Variants in FLRT1 observed in about 807,000 individuals in gnomAD.
FLRT1 encodes leucine-rich repeat transmembrane protein FLRT1.
Under a neutral mutation model 30.9 loss-of-function variants are expected in FLRT1, and 14 were observed. The observed-to-expected ratio is 0.45, with a 90% CI of 0.30 to 0.71. The LOEUF (loss-of-function observed/expected upper bound fraction) is 0.71. FLRT1 is among the 30% of genes least tolerant of loss of function. The pLI, the probability that FLRT1 is intolerant of heterozygous loss-of-function variation, is 0.08. For missense variants in FLRT1, 737 were observed against 949.2 expected, an observed-to-expected ratio of 0.78 and a Z score of 2.94; for synonymous variants, 368 against 430.4, an observed-to-expected ratio of 0.85 and a Z score of 1.80.
chr11:64,113,383 T>G (rs935283843), intron 2 of FLRT1, among the ~76,000 whole-genome samples: 2 of 151,896 alleles, frequency 1.3e-5, no homozygotes, highest in African/African-American at 4.8e-5. Context: ...GATGGATGGA[T>G]GGACAGGTGC....
intron 2 of FLRT1, among the ~76,000 whole-genome samples, chr11:64,108,274 T>C (rs1228745400): frequency 2.0e-5 from 3 of 150,984 alleles, no homozygotes; most frequent in East Asian, 3.9e-4. Context: ...GATCGTACCA[T>C]TGCACTCCAG....
chr11:64,097,676 G>A (rs558257144), intron 1 of FLRT1, among the ~76,000 whole-genome samples: 172 of 152,370 alleles, frequency 1.1e-3, no homozygotes, highest in African/African-American at 1.9e-3. Context: ...GCAGGCTCTC[G>A]CCTCCGCCTC....
intron 1 of FLRT1, among the ~76,000 whole-genome samples, chr11:64,097,281 C>G (rs1364799099): frequency 6.6e-6 from 1 of 152,226 alleles, no homozygotes; most frequent in African/African-American, 2.4e-5. Context: ...CGGTCTGCGC[C>G]CAATTTGGGC....
chr11:64,043,347 C>A (rs1311036048), intron 1 of FLRT1, among the ~76,000 whole-genome samples: 8 of 152,206 alleles, frequency 5.3e-5, no homozygotes, highest in Non-Finnish European at 1.5e-5. Flanking sequence ...GGACCCCACC[C>A]TCTCTGGCAG....
chr11:64,055,369 T>G (rs998275865), intron 1 of FLRT1, among the ~76,000 whole-genome samples: 1 of 152,056 alleles, frequency 6.6e-6, no homozygotes, highest in Non-Finnish European at 1.5e-5. Context: ...TCTGGGTGGG[T>G]GGAGTTGCCC....
In FLRT1 at chr11:64,036,964, A is replaced by T. The variant is rs1463352600; in HGVS notation, c.-1038+805A>T. Among the ~76,000 whole-genome samples, 4 of 152,220 alleles carry T rather than the reference A, an allele frequency of 2.6e-5. No homozygotes were observed. The South Asian group carries it at 6.2e-4, about 24-fold the overall frequency. On this transcript the variant is annotated intron_variant, in intron 1 of 2. Coordinates refer to ENST00000682287, the MANE Select transcript of FLRT1 (RefSeq NM_013280.5). This position sits in a 1 kb window ranked among gnomAD's most constrained non-coding sequence, Gnocchi z 5.6. ...GGTTGATCAGAGCTCCCCGAGGAGG[A>T]GAAAGTTGTGGAACAGGGACACCAG...
intron 1 of FLRT1, among the ~76,000 whole-genome samples, chr11:64,091,220 C>T (rs1944484291): frequency 6.6e-6 from 1 of 152,022 alleles, no homozygotes. Flanking sequence ...TGGCAGCCTC[C>T]GCTGCAGGGT....
intron 1 of FLRT1, among the ~76,000 whole-genome samples, chr11:64,068,975 G>C (rs893775849): frequency 6.6e-6 from 1 of 152,238 alleles, no homozygotes; most frequent in Non-Finnish European, 1.5e-5. Flanking sequence ...ACATTATCTA[G>C]AGCTGCCTAT....
intron 2 of FLRT1, among the ~76,000 whole-genome samples, chr11:64,110,183 C>G (rs1263670240): frequency 6.6e-6 from 1 of 152,146 alleles, no homozygotes; most frequent in East Asian, 1.9e-4. Context: ...GGCGTGGTGG[C>G]TCACGCGTAT....
At chr11:64,060,994 C>A (rs1431481345) in intron 1 of FLRT1, among the ~76,000 whole-genome samples, 2 of 151,948 alleles carry the variant, frequency 1.3e-5, no homozygotes, top group Non-Finnish European at 2.9e-5. Flanking sequence ...GGGCCGGCGT[C>A]GACCTTCCCC....
At chr11:64,056,941 C>G (rs1437972894) in intron 1 of FLRT1, among the ~76,000 whole-genome samples, 1 of 152,204 alleles carries the variant, frequency 6.6e-6, no homozygotes, top group Non-Finnish European at 1.5e-5. Context: ...GACAGCCCCT[C>G]CTTTGCTCCC....
intron 1 of FLRT1, among the ~76,000 whole-genome samples, chr11:64,054,846 C>T (rs1003250290): frequency 6.6e-6 from 1 of 152,022 alleles, no homozygotes; most frequent in Non-Finnish European, 1.5e-5. Flanking sequence ...ACTTTCCAGC[C>T]AGCTTTTAAG....
In FLRT1 at chr11:64,062,468, C is replaced by T. The variant is rs771425128; in HGVS notation, c.-1038+26309C>T. 5.0e-4 allele frequency among the ~76,000 whole-genome samples: 76 copies of T among 152,320 alleles called. 2 individuals carry two copies. Among genetic ancestry groups the T allele is most frequent in the Middle Eastern group, 6.8e-3 (2 of 294 alleles). On this transcript the variant is annotated intron_variant, in intron 1 of 2. Transcript: ENST00000682287. ...GGAAGGCTCGCCTCACACAGGGCTGCAGGAAGCATCACAGATTTCAGCCAA... is the reference window on the plus strand; with the variant it reads ...GGAAGGCTCGCCTCACACAGGGCTGTAGGAAGCATCACAGATTTCAGCCAA...
chr11:64,072,874 T>C (rs899964902), intron 1 of FLRT1, among the ~76,000 whole-genome samples: 4 of 152,198 alleles, frequency 2.6e-5, no homozygotes, highest in African/African-American at 9.7e-5. Context: ...CACATAAACC[T>C]ACGTGTGGAG....
rs749791643 is a variant in FLRT1 at position 64,116,777 on chromosome 11, G to C, written c.510G>C (p.Glu170Asp). ...CCGTGTCCACCGTCAGCATTGAGGA[G>C]GACGCCTTCGCCGACAGCAAACAGC... ...DNSVSTVSIE[E>D]DAFADSKQLK... Residue 170 changes from glutamate to aspartate, a missense_variant, in exon 3 of 3, where the codon GAG (glutamate) becomes GAC (aspartate). By Grantham distance (45) the Glu-to-Asp change is conservative. Transcript: ENST00000682287. The C allele has an allele frequency of 1.2e-6, 2 of 1,613,502 alleles. 1 individual carries two copies. The highest frequency in any genetic ancestry group is 4.5e-5 in the East Asian group (2 of 44,896).
At chr11:64,083,891 G>A (rs964295666) in intron 1 of FLRT1, among the ~76,000 whole-genome samples, 18 of 152,244 alleles carry the variant, frequency 1.2e-4, no homozygotes, top group African/African-American at 2.9e-4. Flanking sequence ...TGTGAGCAGC[G>A]TGCAGGCGGG....
At chr11:64,097,466 C>T (rs1565230994) in intron 1 of FLRT1, among the ~76,000 whole-genome samples, 3 of 152,222 alleles carry the variant, frequency 2.0e-5, no homozygotes, top group Middle Eastern at 3.2e-3. Context: ...CTGCTCTGGG[C>T]GCTGCCTGCT....
intron 1 of FLRT1, among the ~76,000 whole-genome samples, chr11:64,095,025 G>A (rs998913587): frequency 2.0e-5 from 3 of 152,120 alleles, no homozygotes; most frequent in South Asian, 2.1e-4. Flanking sequence ...AGTGTGCCGC[G>A]AATGCTTTCT....
chr11:64,113,258 A>G (rs1944893266), intron 2 of FLRT1, among the ~76,000 whole-genome samples: 1 of 152,242 alleles, frequency 6.6e-6, no homozygotes, highest in Non-Finnish European at 1.5e-5. Flanking sequence ...CAAAGCCTTT[A>G]TTATAGTGTG....
Sources: gnomAD v4.1 joint callset for allele counts (sites outside exome capture counted in the v4.1 genomes callset) on GRCh38, gnomAD v4.1.1 for gene constraint, Gnocchi (gnomAD v3.1) non-coding constraint, MANE v1.5 for transcripts, NCBI Gene and HGNC (gene_info 2026-07-23, HGNC 2026-07-21) for gene names.